The following CDH13 variants were observed in gnomAD, a reference collection of about 807,000 sequenced individuals.
The protein encoded by CDH13 is cadherin-13.
CDH13 carries 24 observed loss-of-function variants against 63.8 expected under a neutral mutation model. The observed-to-expected ratio is 0.38, with a 90% CI of 0.27 to 0.53. CDH13 has a LOEUF of 0.53. CDH13 is among the 20% of genes least tolerant of loss of function. The pLI, the probability that CDH13 is intolerant of heterozygous loss-of-function variation, is 0.85. For missense variants in CDH13, 1,049 were observed against 903.1 expected, an observed-to-expected ratio of 1.16 and a Z score of -2.07; for synonymous variants, 503 against 355.3, an observed-to-expected ratio of 1.42 and a Z score of -4.67.
Position 82,906,046 on chromosome 16 carries a change from A to G in CDH13, c.157+47573A>G, listed in dbSNP as rs563809462. ...AATATATACATGCATATTTCTATCT[A>G]TCTACCTGTCTAATATCTGTCATCG... On this transcript the variant is annotated intron_variant, in intron 2 of 13. Coordinates refer to ENST00000567109, the MANE Select transcript of CDH13 (RefSeq NM_001257.5). Among the ~76,000 whole-genome samples the G allele has an allele frequency of 4.6e-5, 7 of 152,328 alleles. No individual in the cohort carries two copies. The South Asian group carries it at 1.0e-3, about 23-fold the overall frequency.
intron 2 of CDH13, among the ~76,000 whole-genome samples, chr16:82,898,643 A>C (rs1032092660): frequency 2.6e-5 from 4 of 152,188 alleles, no homozygotes; most frequent in Admixed American, 2.6e-4. Context: ...GCCCGGAGCA[A>C]ATGTCTGTGG....
chr16:82,764,631 G>C (rs2034981051), intron 1 of CDH13, among the ~76,000 whole-genome samples: 1 of 152,124 alleles, frequency 6.6e-6, no homozygotes, highest in Admixed American at 6.5e-5. Context: ...GCCCACAGTA[G>C]GTGCTCAATA....
At chr16:83,013,747 C>T (rs1232194563) in intron 2 of CDH13, among the ~76,000 whole-genome samples, 8 of 152,170 alleles carry the variant, frequency 5.3e-5, no homozygotes, top group Admixed American at 5.2e-4. Context: ...TGAGTGGCTA[C>T]TGTTTGTCAA....
chr16:82,673,006 T>TC (rs1555531936), intron 1 of CDH13, among the ~76,000 whole-genome samples: 4 of 129,192 alleles, frequency 3.1e-5, no homozygotes, highest in East Asian at 2.1e-4. Context: ...TTTCTTTTTT[T>TC]TTTTTTTTTT....
chr16:83,038,143 G>C (rs1917029222), intron 3 of CDH13, among the ~76,000 whole-genome samples: 1 of 152,200 alleles, frequency 6.6e-6, no homozygotes, highest in Admixed American at 6.5e-5. Flanking sequence ...CTGTGTTTTG[G>C]AAGGAAAGAT....
intron 3 of CDH13, among the ~76,000 whole-genome samples, chr16:83,117,665 G>C (rs1347631203): frequency 1.3e-5 from 2 of 151,888 alleles, no homozygotes; most frequent in African/African-American, 4.8e-5. Flanking sequence ...TTGAAGAAAT[G>C]AATGAAAGAA....
chr16:83,537,974 G>A (rs563319227), intron 7 of CDH13, among the ~76,000 whole-genome samples: 5 of 152,078 alleles, frequency 3.3e-5, no homozygotes, highest in South Asian at 2.1e-4. Flanking sequence ...TCCCAGTTAC[G>A]GCCCAAATAA....
intron 3 of CDH13, among the ~76,000 whole-genome samples, chr16:83,100,346 T>C (rs758640635): frequency 5.9e-5 from 9 of 152,140 alleles, no homozygotes; most frequent in Non-Finnish European, 1.0e-4. Context: ...GGGGATACCA[T>C]ATATTTTGGA....
intron 7 of CDH13, among the ~76,000 whole-genome samples, chr16:83,514,810 A>G (rs1019272550): frequency 1.3e-5 from 2 of 152,144 alleles, no homozygotes; most frequent in Non-Finnish European, 2.9e-5. Flanking sequence ...CCGGGAACAG[A>G]TGTTCCCTCA....
At chr16:83,751,205 A>G (rs547135053) in intron 11 of CDH13, among the ~76,000 whole-genome samples, 1 of 152,330 alleles carries the variant, frequency 6.6e-6, no homozygotes, top group South Asian at 2.1e-4. Context: ...TGCCTGTAGA[A>G]TAAGTCATGA....
intron 1 of CDH13, chr16:82,824,319 A>AAC (rs398119565): frequency 1.3e-5 from 2 of 152,058 alleles, no homozygotes. Context: ...GGAAAAAAAA[A>AAC]CATAAACAAC....
At chr16:83,113,068 A>C (rs1366543116) in intron 3 of CDH13, among the ~76,000 whole-genome samples, 1 of 152,234 alleles carries the variant, frequency 6.6e-6, no homozygotes, top group Non-Finnish European at 1.5e-5. Context: ...CAGGCAGCTG[A>C]TGCTATCGAA....
At chr16:83,617,712 T>A (rs1001560656) in intron 8 of CDH13, among the ~76,000 whole-genome samples, 5 of 151,654 alleles carry the variant, frequency 3.3e-5, no homozygotes, top group African/African-American at 4.8e-5. Flanking sequence ...TCACATATTC[T>A]ATTCTAATAT....
intron 1 of CDH13, among the ~76,000 whole-genome samples, chr16:82,760,895 A>C (rs1284674653): frequency 2.0e-5 from 3 of 151,834 alleles, no homozygotes; most frequent in African/African-American, 7.3e-5. Flanking sequence ...TAACTAATAG[A>C]GGGAGAACTC....
chr16:82,827,039 T>C (rs1009783479), intron 1 of CDH13, among the ~76,000 whole-genome samples: 5 of 152,236 alleles, frequency 3.3e-5, no homozygotes, highest in Non-Finnish European at 7.3e-5. Context: ...CTCTGCCTGA[T>C]GATAAAATAG....
intron 11 of CDH13, among the ~76,000 whole-genome samples, chr16:83,766,569 A>C (rs1393633338): frequency 6.6e-6 from 1 of 152,208 alleles, no homozygotes; most frequent in Admixed American, 6.5e-5. Context: ...CCAAGGTAAG[A>C]CATATGCTGC....
rs1240571774 is a variant in CDH13 at position 83,443,718 on chromosome 16, AAAAAAAAAAAAAAAAAAAT to A, written c.782-42757_782-42739del. 3.8e-3 allele frequency among the ~76,000 whole-genome samples: 366 copies of A among 95,438 alleles called. 2 individuals carry two copies. Among genetic ancestry groups the A allele is most frequent in the African/African-American group, 0.014 (282 of 19,502 alleles). The allele number at this position is 95,438 out of a possible 152,430, so 62.6% of individuals were successfully genotyped here. On this transcript the variant is annotated intron_variant, in intron 6 of 13. Transcript: ENST00000567109. ...CGAAGTCCCTACGAAAAAAAAAAAA[AAAAAAAAAAAAAAAAAAAT>A]ATATATATATATATATATATATATA...
chr16:83,589,987 C>G (rs1355117213), intron 7 of CDH13, among the ~76,000 whole-genome samples: 1 of 152,072 alleles, frequency 6.6e-6, no homozygotes, highest in African/African-American at 2.4e-5. Flanking sequence ...ACAGCATAAG[C>G]CAAGCTGCAG....
chr16:82,892,740 T>G (rs564477270), intron 2 of CDH13, among the ~76,000 whole-genome samples: 1 of 152,228 alleles, frequency 6.6e-6, no homozygotes, highest in South Asian at 2.1e-4. Context: ...TTCTTCTTTT[T>G]TTTTCATGTA....
Sources: gnomAD v4.1 joint callset for allele counts (sites outside exome capture counted in the v4.1 genomes callset) on GRCh38, gnomAD v4.1.1 for gene constraint, MANE v1.5 for transcripts, NCBI Gene and HGNC (gene_info 2026-07-23, HGNC 2026-07-21) for gene names.